NEB: variants seen among roughly 807,000 people sequenced by gnomAD.
NEB encodes nebulin.
Under a neutral mutation model 952.2 loss-of-function variants are expected in NEB, and 512 were observed. The ratio of observed to expected loss-of-function variants is 0.54; its 90% CI spans 0.50 to 0.58. The LOEUF (loss-of-function observed/expected upper bound fraction) is 0.58. NEB is among the 20% of genes least tolerant of loss of function. NEB has a pLI of 0.00. For synonymous variants in NEB, 2,900 were observed against 3,149.8 expected, an observed-to-expected ratio of 0.92 and a Z score of 2.66; for missense variants, 8,428 against 9,231.1, an observed-to-expected ratio of 0.91 and a Z score of 3.56.
chr2:151,630,630 C>T, intron 67 of NEB, 85 bp downstream of exon 67: 1 of 1,066,210 alleles, frequency 9.4e-7, no homozygotes, highest in Non-Finnish European at 1.4e-6. Flanking sequence ...CCACATGCAC[C>T]ATGACAGCTG....
At chr2:151,544,902 C>G (rs1212015463) in intron 135 of NEB, among the ~76,000 whole-genome samples, 2 of 152,218 alleles carry the variant, frequency 1.3e-5, no homozygotes, top group Admixed American at 1.3e-4. Context: ...ACCAGAGTGA[C>G]AGTAGAATGA....
At chr2:151,613,602 G>T (rs889281433) in intron 77 of NEB, among the ~76,000 whole-genome samples, 2 of 152,132 alleles carry the variant, frequency 1.3e-5, no homozygotes, top group African/African-American at 2.4e-5. Context: ...GTTTGATATA[G>T]TTTGGCTCTG....
In NEB at chr2:151,497,734, G is replaced by C; in HGVS notation, c.24208-16C>G. On this transcript the variant is annotated splice_polypyrimidine_tract_variant and intron_variant, in intron 170 of 181. Transcript: ENST00000397345. ...TGTATAACACCTGTGCGATAAGAAA[G>C]CATCCAGAAAAACAACCATGAGTAA... The C allele has an allele frequency of 2.6e-6, 4 of 1,562,158 alleles. No individual in the cohort carries two copies. The highest frequency in any genetic ancestry group is 3.5e-6 in the Non-Finnish European group (4 of 1,152,070).
chr2:151,638,556 A>G (rs1315196550), intron 63 of NEB, among the ~76,000 whole-genome samples: 1 of 152,240 alleles, frequency 6.6e-6, no homozygotes, highest in African/African-American at 2.4e-5. Flanking sequence ...TCAATACATC[A>G]GAAGCTTTCT....
At chr2:151,523,761 C>T (rs2083534511) in intron 153 of NEB, among the ~76,000 whole-genome samples, 1 of 152,190 alleles carries the variant, frequency 6.6e-6, no homozygotes, top group Non-Finnish European at 1.5e-5. Flanking sequence ...TCCATCAGCA[C>T]CCTGTGCATA....
At chr2:151,718,386 A>G (rs138875496) in intron 9 of NEB, among the ~76,000 whole-genome samples, 1 of 152,198 alleles carries the variant, frequency 6.6e-6, no homozygotes, top group East Asian at 1.9e-4. Context: ...CTATGACCCT[A>G]TGGTATACTA....
intron 24 of NEB, chr2:151,689,307 T>A (rs2149036082): frequency 6.8e-6 from 1 of 146,766 alleles, no homozygotes; most frequent in African/African-American, 2.5e-5. Flanking sequence ...CAGGCTCAAG[T>A]GATCCTCCCA....
intron 32 of NEB, 23 bp downstream of exon 32, chr2:151,679,698 T>A (rs200059745): frequency 7.6e-6 from 5 of 657,206 alleles, no homozygotes; most frequent in Non-Finnish European, 2.6e-6. Context: ...TAGTTGCCCA[T>A]GTATGACCAC....
chr2:151,728,409 G>A (rs2099797130), intron 4 of NEB, among the ~76,000 whole-genome samples: 1 of 152,160 alleles, frequency 6.6e-6, no homozygotes, highest in African/African-American at 2.4e-5. Flanking sequence ...CTCCACTGTA[G>A]TAGGAGACAA....
chr2:151,684,010 G>T (rs1407432090), intron 28 of NEB, among the ~76,000 whole-genome samples: 1 of 152,132 alleles, frequency 6.6e-6, no homozygotes, highest in Non-Finnish European at 1.5e-5. Flanking sequence ...GGTATCTAGG[G>T]TTAGTCAAAC....
intron 101 of NEB, 53 bp downstream of exon 101, chr2:151,583,402 G>T: frequency 5.4e-6 from 1 of 183,794 alleles, no homozygotes; most frequent in Non-Finnish European, 1.0e-5. Context: ...GAATGCACTG[G>T]ATTTAAACAC....
intron 84 of NEB, 61 bp downstream of exon 84, chr2:151,606,545 A>G (rs1197437318): frequency 1.6e-6 from 1 of 614,034 alleles, no homozygotes; most frequent in African/African-American, 1.6e-5. Flanking sequence ...ATTCTTGAAA[A>G]ATAGTCTCCC....
intron 4 of NEB, among the ~76,000 whole-genome samples, chr2:151,728,597 C>T (rs576281961): frequency 2.3e-4 from 35 of 152,196 alleles, no homozygotes; most frequent in Admixed American, 1.0e-3. Flanking sequence ...GTCCTATCTA[C>T]GTAGTAGGTG....
At chr2:151,619,430 G>A (rs780320612) in intron 73 of NEB, 21 bp downstream of exon 73, 1 of 1,573,150 alleles carries the variant, frequency 6.4e-7, no homozygotes, top group Non-Finnish European at 8.7e-7. Flanking sequence ...AACATGCAGA[G>A]CTAACATCAA....
At chr2:151,519,913 T>A in intron 153 of NEB, 145 bp from the exon 154 acceptor site, 1 of 561,452 alleles carries the variant, frequency 1.8e-6, no homozygotes, top group South Asian at 2.7e-5. Context: ...ACATTTAGAG[T>A]AAAGAAGACA....
chr2:151,616,988 A>T (rs1419065707), intron 75 of NEB, among the ~76,000 whole-genome samples: 1 of 152,268 alleles, frequency 6.6e-6, no homozygotes, highest in Non-Finnish European at 1.5e-5. Flanking sequence ...TTATCAGAGC[A>T]TACTGGAGCA....
rs111613951 is a variant in NEB at position 151,531,631 on chromosome 2, T to C, written c.21522+161A>G. ...CACGCCCGGCCACAACAATTCTTTA[T>C]TGGGGAGGAGAATCCTGTGCATAAC... On this transcript the variant is annotated intron_variant, in intron 144 of 181. Transcript: ENST00000397345. Among the ~76,000 whole-genome samples the C allele has an allele frequency of 5.9e-3, 900 of 152,196 alleles. 10 individuals carry two copies. Among genetic ancestry groups the C allele is most frequent in the African/African-American group, 0.02 (821 of 41,458 alleles).
intron 24 of NEB, 76 bp downstream of exon 24, chr2:151,690,651 A>T: frequency 9.7e-7 from 1 of 1,032,054 alleles, no homozygotes; most frequent in Non-Finnish European, 1.5e-6. Context: ...CATGAAGATT[A>T]AGCATGTAAA....
intron 64 of NEB, among the ~76,000 whole-genome samples, chr2:151,635,467 G>A (rs1447287131): frequency 1.3e-5 from 2 of 152,090 alleles, no homozygotes; most frequent in Non-Finnish European, 2.9e-5. Flanking sequence ...AGCACTTTGG[G>A]AGCCTGAGGC....
Sources: gnomAD v4.1 joint callset for allele counts (sites outside exome capture counted in the v4.1 genomes callset) on GRCh38, gnomAD v4.1.1 for gene constraint, MANE v1.5 for transcripts, NCBI Gene and HGNC (gene_info 2026-07-23, HGNC 2026-07-21) for gene names.